The following TRIM44 variants were observed in gnomAD, a reference collection of about 807,000 sequenced individuals.
The protein encoded by TRIM44 is tripartite motif-containing protein 44.
A neutral mutation model predicts 37.4 loss-of-function variants in TRIM44; 13 were observed. The observed-to-expected ratio is 0.35, with a 90% CI of 0.23 to 0.55. TRIM44 has a LOEUF of 0.55. TRIM44 is among the 20% of genes least tolerant of loss of function. The pLI is 0.89. For missense variants in TRIM44, 426 were observed against 437.2 expected (o/e 0.97, Z 0.23); for synonymous variants, 175 against 157.2 (o/e 1.11, Z -0.85).
rs1373884308 is a variant in TRIM44 at position 35,663,153 on chromosome 11, C to A, written c.42C>A (p.His14Gln). 4 of 1,550,346 alleles carry A rather than the reference C, an allele frequency of 2.6e-6. No homozygotes were observed. The highest frequency in any genetic ancestry group is 1.9e-5 in the Admixed American group (1 of 53,032). ...GCGCGGCCTTCGAGGAACTGCCTCA[C>A]GACGGCACGTGTGACGAGTGCGAGC... ...GVGAAFEELP[H>Q]DGTCDECEPD... The change falls in exon 1 of 5, where the codon CAC (histidine) becomes CAA (glutamine). Residue 14 changes from histidine (H) to glutamine (Q), a missense_variant. Physicochemically the swap from His to Gln is conservative, Grantham distance 24. Around this residue, in one of 2 missense-constraint regions of TRIM44, gnomAD observed 331 missense variants for 303.0 expected, o/e 1.09. Coordinates refer to ENST00000299413, the MANE Select transcript of TRIM44 (RefSeq NM_017583.6).
chr11:35,759,428 C>T (rs1438757556), intron 4 of TRIM44, among the ~76,000 whole-genome samples: 1 of 152,100 alleles, frequency 6.6e-6, no homozygotes, highest in Non-Finnish European at 1.5e-5. Context: ...TTTTTAACTT[C>T]TTTGCCTTGG....
intron 2 of TRIM44, among the ~76,000 whole-genome samples, chr11:35,714,662 A>C (rs56678405): frequency 6.6e-6 from 1 of 152,174 alleles, no homozygotes; most frequent in African/African-American, 2.4e-5. Context: ...AATTGCTTTA[A>C]TCTTCAGATA....
At chr11:35,697,486 G>C (rs542946351) in intron 2 of TRIM44, among the ~76,000 whole-genome samples, 1 of 146,638 alleles carries the variant, frequency 6.8e-6, no homozygotes, top group African/African-American at 2.5e-5. Flanking sequence ...AAGTTTTAGG[G>C]TACATGTGCA....
intron 1 of TRIM44, among the ~76,000 whole-genome samples, chr11:35,683,370 T>C (rs1274121266): frequency 6.6e-6 from 1 of 152,206 alleles, no homozygotes; most frequent in Non-Finnish European, 1.5e-5. Context: ...TGTAGTCATG[T>C]TGTGTCTGAT....
At chr11:35,742,573 TATTA>T (rs1169348047) in intron 4 of TRIM44, among the ~76,000 whole-genome samples, 2 of 132,702 alleles carry the variant, frequency 1.5e-5, no homozygotes, top group African/African-American at 2.9e-5. Context: ...TATATAATTA[TATTA>T]ATTATATTAA....
intron 4 of TRIM44, among the ~76,000 whole-genome samples, chr11:35,780,877 A>G (rs1436133455): frequency 1.3e-5 from 2 of 151,588 alleles, no homozygotes; most frequent in African/African-American, 2.4e-5. Context: ...TTAAGCACCT[A>G]CATTATGCCA....
intron 1 of TRIM44, among the ~76,000 whole-genome samples, chr11:35,668,864 G>A (rs1851361061): frequency 6.6e-6 from 1 of 152,116 alleles, no homozygotes; most frequent in African/African-American, 2.4e-5. Flanking sequence ...TTTCTCAGAC[G>A]TTTGTCCATT....
chr11:35,726,733 A>G (rs1391028819), intron 3 of TRIM44, among the ~76,000 whole-genome samples: 2 of 152,128 alleles, frequency 1.3e-5, no homozygotes, highest in Non-Finnish European at 2.9e-5. Context: ...ATGTTGAATC[A>G]CTATACAAAT....
chr11:35,770,536 C>T (rs545407640), intron 4 of TRIM44, among the ~76,000 whole-genome samples: 2 of 152,200 alleles, frequency 1.3e-5, no homozygotes, highest in Non-Finnish European at 2.9e-5. Flanking sequence ...TCCTTTTCTC[C>T]ATAGCCTCAC....
intron 4 of TRIM44, among the ~76,000 whole-genome samples, chr11:35,792,072 T>TACACACACACACACACAC (rs57127722): frequency 7.5e-4 from 103 of 136,786 alleles, no homozygotes; most frequent in African/African-American, 2.3e-3. Flanking sequence ...GAGTTGCCCC[T>TACACACACACACACACAC]ACACACACAC....
intron 4 of TRIM44, among the ~76,000 whole-genome samples, chr11:35,758,588 C>G (rs1221857046): frequency 3.3e-5 from 5 of 152,100 alleles, no homozygotes; most frequent in Non-Finnish European, 7.3e-5. Context: ...CAGTTTCTTC[C>G]CAGCCTCAAT....
chr11:35,811,632 A>G lies in TRIM44; in HGVS notation c.*5247A>G, dbSNP rs992071002. On this transcript the variant is annotated 3_prime_UTR_variant, in exon 5 of 5. Coordinates refer to ENST00000299413, the MANE Select transcript of TRIM44 (RefSeq NM_017583.6). ...TATACTCAGAGGCCTTCAGGAGCCA[A>G]ATGTGAAGACTCAAGATGGTAGATA... The G allele has an allele frequency of 4.6e-5, 7 of 152,180 alleles. No individual in the cohort carries two copies. The highest frequency in any genetic ancestry group is 8.8e-5 in the Non-Finnish European group (6 of 68,030). The allele number at this position is 152,180 out of a possible 1,614,324, so 9.4% of individuals were successfully genotyped here. A position where few individuals can be genotyped will look rare whatever the true frequency, so the allele number is the denominator to read the frequency against.
intron 1 of TRIM44, among the ~76,000 whole-genome samples, chr11:35,678,675 C>G (rs1027792829): frequency 2.7e-5 from 4 of 150,334 alleles, no homozygotes; most frequent in Non-Finnish European, 4.4e-5. Context: ...GGCAGTTGAT[C>G]TCCGCCCACT....
chr11:35,767,803 G>A (rs996013246), intron 4 of TRIM44, among the ~76,000 whole-genome samples: 2 of 152,116 alleles, frequency 1.3e-5, no homozygotes, highest in African/African-American at 4.8e-5. Flanking sequence ...TTTCATCCAT[G>A]CAATGCAGAT....
At chr11:35,806,214 G>T in intron 4 of TRIM44, 144 bp from the exon 5 acceptor site, 2 of 788,012 alleles carry the variant, frequency 2.5e-6, no homozygotes, top group Non-Finnish European at 4.3e-6. Context: ...GAAGTAACTT[G>T]CCTTTGGCCA....
intron 4 of TRIM44, among the ~76,000 whole-genome samples, chr11:35,767,543 T>TG (rs1379256560): frequency 6.6e-6 from 1 of 151,886 alleles, no homozygotes; most frequent in Non-Finnish European, 1.5e-5. Context: ...CTCTGTGCTG[T>TG]GGTGGGATAA....
intron 4 of TRIM44, among the ~76,000 whole-genome samples, chr11:35,793,601 G>T (rs1469698282): frequency 6.6e-6 from 1 of 152,132 alleles, no homozygotes; most frequent in Non-Finnish European, 1.5e-5. Context: ...TTGGTGCCCA[G>T]ACTGGAGTTT....
At chr11:35,704,076 G>A (rs945196014) in intron 2 of TRIM44, among the ~76,000 whole-genome samples, 3 of 152,162 alleles carry the variant, frequency 2.0e-5, no homozygotes, top group Non-Finnish European at 2.9e-5. Context: ...GGAGCTGATG[G>A]AGCTGAAAGC....
At chr11:35,764,408 A>G (rs901900971) in intron 4 of TRIM44, among the ~76,000 whole-genome samples, 3 of 152,150 alleles carry the variant, frequency 2.0e-5, no homozygotes, top group African/African-American at 7.2e-5. Context: ...TTTAGATAAC[A>G]TTAATTTAGT....
Sources: gnomAD v4.1 joint callset for allele counts (sites outside exome capture counted in the v4.1 genomes callset) on GRCh38, gnomAD v4.1.1 for gene constraint, gnomAD v4.1.1 regional missense constraint, MANE v1.5 for transcripts, NCBI Gene and HGNC (gene_info 2026-07-23, HGNC 2026-07-21) for gene names.